The following RAP2A variants were observed in gnomAD, a reference collection of about 807,000 sequenced individuals.
RAP2A encodes the protein ras-related protein Rap-2a.
In RAP2A, 5 loss-of-function variants were observed where a neutral mutation model predicts 15.1. The observed-to-expected ratio is 0.33, with a 90% CI of 0.17 to 0.70. RAP2A has a LOEUF of 0.70. Among genes scored for constraint, RAP2A ranks in the 30% least tolerant of loss-of-function variants. RAP2A has a pLI of 0.68. For missense variants in RAP2A, 111 were observed against 240.3 expected, an observed-to-expected ratio of 0.46 and a Z score of 3.56; for synonymous variants, 110 against 99.7, an observed-to-expected ratio of 1.10 and a Z score of -0.62.
At chr13:97,442,243 G>C (rs1370205989) in intron 1 of RAP2A, among the ~76,000 whole-genome samples, 2 of 152,066 alleles carry the variant, frequency 1.3e-5, no homozygotes, top group South Asian at 2.1e-4. Flanking sequence ...ATCTAGCTAA[G>C]ATTTTGTCAT....
chr13:97,456,029 G>A (rs1386756417), intron 1 of RAP2A, among the ~76,000 whole-genome samples: 1 of 151,380 alleles, frequency 6.6e-6, no homozygotes, highest in South Asian at 2.1e-4. Context: ...CAGTTCTCTA[G>A]CCAGAAAGAC....
chr13:97,446,153 A>G (rs2066678550), intron 1 of RAP2A, among the ~76,000 whole-genome samples: 2 of 152,138 alleles, frequency 1.3e-5, no homozygotes, highest in Non-Finnish European at 2.9e-5. Flanking sequence ...GGGACAGTTC[A>G]GGTCTATGCT....
chr13:97,438,913 A>G (rs566451136), intron 1 of RAP2A, among the ~76,000 whole-genome samples: 4 of 152,210 alleles, frequency 2.6e-5, no homozygotes, highest in Non-Finnish European at 4.4e-5. Flanking sequence ...CAGTTTCCCT[A>G]AACATTTTGA....
intron 1 of RAP2A, among the ~76,000 whole-genome samples, chr13:97,456,443 A>C (rs2066723426): frequency 6.6e-6 from 1 of 152,154 alleles, no homozygotes. Context: ...GGAGATAGGC[A>C]CTTTAATGGG....
rs114455435 is a variant in RAP2A at position 97,449,103 on chromosome 13, G to C, written c.314+14319G>C. On this transcript the variant is annotated intron_variant, in intron 1 of 1. Transcript: ENST00000245304. The stretch of plus-strand genomic sequence containing the variant: ...GTGACCGCATTCCACACAGGCTGTA[G>C]GGCAGGAGGTTGTAAAACAGGCTGA... Among the ~76,000 whole-genome samples the C allele has an allele frequency of 4.8e-3, 733 of 152,268 alleles. 10 individuals are homozygous for C. The highest frequency in any genetic ancestry group is 0.016 in the African/African-American group (682 of 41,548).
intron 1 of RAP2A, among the ~76,000 whole-genome samples, chr13:97,448,578 A>T (rs1386971200): frequency 6.6e-6 from 1 of 152,154 alleles, no homozygotes; most frequent in Non-Finnish European, 1.5e-5. Flanking sequence ...AAAGCTCATG[A>T]CGTATCCAAG....
Position 97,466,758 on chromosome 13 carries a change from G to A in RAP2A, c.*2316G>A, listed in dbSNP as rs2066773447. ...AACATTTGTGTCAGATGACAGGGTGGGCTTTTACTGTCAAGACATGAATAA... is the reference window on the plus strand; with the variant it reads ...AACATTTGTGTCAGATGACAGGGTGAGCTTTTACTGTCAAGACATGAATAA... On this transcript the variant is annotated 3_prime_UTR_variant, in exon 2 of 2. Coordinates refer to ENST00000245304, the MANE Select transcript of RAP2A (RefSeq NM_021033.7). 6.6e-6 allele frequency: 1 copy of A among 152,058 alleles called. No homozygotes were observed. The highest frequency in any genetic ancestry group is 1.5e-5 in the Non-Finnish European group (1 of 67,968). The allele number at this position is 152,058 out of a possible 1,614,324, so 9.4% of individuals were successfully genotyped here.
At chr13:97,451,469 A>G (rs1166695317) in intron 1 of RAP2A, among the ~76,000 whole-genome samples, 2 of 152,112 alleles carry the variant, frequency 1.3e-5, no homozygotes, top group Non-Finnish European at 1.5e-5. Context: ...AGCATCCTCT[A>G]TGGGATTCAT....
chr13:97,449,234 A>C (rs772058314), intron 1 of RAP2A, among the ~76,000 whole-genome samples: 1 of 152,076 alleles, frequency 6.6e-6, no homozygotes, highest in Non-Finnish European at 1.5e-5. Context: ...TTTATGGGAT[A>C]GTTGGTTGGG....
chr13:97,459,537 G>T (rs1406343796), intron 1 of RAP2A, among the ~76,000 whole-genome samples: 1 of 152,168 alleles, frequency 6.6e-6, no homozygotes. Context: ...CTGTAGAGAT[G>T]GATCCCACAG....
In RAP2A at chr13:97,465,145, G is replaced by T. The variant is rs1160390979; in HGVS notation, c.*703G>T. Reference sequence around the variant, plus strand: ...TTGTTAATTCACCTGCTTTGCCACAGAAAATGGAGGCTTTCACAAGGGTTT... The same window carrying T: ...TTGTTAATTCACCTGCTTTGCCACATAAAATGGAGGCTTTCACAAGGGTTT... On this transcript the variant is annotated 3_prime_UTR_variant, in exon 2 of 2. Transcript: ENST00000245304. The T allele has an allele frequency of 2.0e-5, 3 of 152,250 alleles. No individual in the cohort carries two copies. Among genetic ancestry groups the T allele is most frequent in the Non-Finnish European group, 4.4e-5 (3 of 68,030 alleles). 9.4% of individuals were successfully genotyped at this position (152,250 alleles called of 1,614,324 possible). A position where few individuals can be genotyped will look rare whatever the true frequency, so the allele number is the denominator to read the frequency against.
chr13:97,434,444 G>GGCGGCGGCGGCGGCC lies in RAP2A; in HGVS notation c.-22_-8dup. ...GGCGTAGGTCTATGTCGCGGGCGGC[G>GGCGGCGGCGGCGGCC]GCGGCGGCGGCGGCCGCGGAGGGAC... On this transcript the variant is annotated 5_prime_UTR_variant, in exon 1 of 2. Coordinates refer to ENST00000245304, the MANE Select transcript of RAP2A (RefSeq NM_021033.7). 6.4e-7 allele frequency: 1 copy of GGCGGCGGCGGCGGCC among 1,558,270 alleles called. No individual in the cohort carries two copies. Among genetic ancestry groups the GGCGGCGGCGGCGGCC allele is most frequent in the Non-Finnish European group, 8.7e-7 (1 of 1,151,976 alleles).
chr13:97,441,633 T>G (rs1291186753), intron 1 of RAP2A: 1 of 289,346 alleles, frequency 3.5e-6, no homozygotes, highest in Non-Finnish European at 6.8e-6. Context: ...TCATTGTCTT[T>G]AGAACCTTAC....
intron 1 of RAP2A, among the ~76,000 whole-genome samples, chr13:97,463,879 CCTCT>C (rs1041692227): frequency 6.6e-6 from 1 of 152,010 alleles, no homozygotes; most frequent in African/African-American, 2.4e-5. Flanking sequence ...TTTGTGCAAC[CCTCT>C]CTCAGAATGG....
Position 97,465,325 on chromosome 13 carries a change from T to A in RAP2A, c.*883T>A, listed in dbSNP as rs2066765975. ...AACTAGTACCATCATGTAAGGAAGA[T>A]GAAGCCATGTTGCATCCACATGTTC... On this transcript the variant is annotated 3_prime_UTR_variant, in exon 2 of 2. Transcript: ENST00000245304. 2.6e-5 allele frequency: 4 copies of A among 152,634 alleles called. No individual in the cohort carries two copies. Among genetic ancestry groups the A allele is most frequent in the Non-Finnish European group, 5.9e-5 (4 of 68,046 alleles). The allele number at this position is 152,634 out of a possible 1,614,324, so 9.5% of individuals were successfully genotyped here. A position where few individuals can be genotyped will look rare whatever the true frequency, so the allele number is the denominator to read the frequency against.
At chr13:97,450,668 AAAG>A (rs2066698526) in intron 1 of RAP2A, among the ~76,000 whole-genome samples, 1 of 152,112 alleles carries the variant, frequency 6.6e-6, no homozygotes, top group Non-Finnish European at 1.5e-5. Context: ...TAAAAAAAAA[AAAG>A]AATCAATTAG....
At chr13:97,458,799 A>G (rs2066734713) in intron 1 of RAP2A, among the ~76,000 whole-genome samples, 1 of 152,172 alleles carries the variant, frequency 6.6e-6, no homozygotes, top group African/African-American at 2.4e-5. Context: ...GTATTTTGAT[A>G]AACACATCAA....
chr13:97,459,302 G>A (rs2066736883), intron 1 of RAP2A, among the ~76,000 whole-genome samples: 1 of 151,840 alleles, frequency 6.6e-6, no homozygotes, highest in Non-Finnish European at 1.5e-5. Flanking sequence ...GATGAAAAGG[G>A]GGAAAATGAA....
intron 1 of RAP2A, among the ~76,000 whole-genome samples, chr13:97,449,212 C>G (rs1005933103): frequency 6.6e-6 from 1 of 152,154 alleles, no homozygotes; most frequent in Non-Finnish European, 1.5e-5. Flanking sequence ...CGCTGTAGAT[C>G]TGCTACATAT....
Sources: gnomAD v4.1 joint callset for allele counts (sites outside exome capture counted in the v4.1 genomes callset) on GRCh38, gnomAD v4.1.1 for gene constraint, MANE v1.5 for transcripts, NCBI Gene and HGNC (gene_info 2026-07-23, HGNC 2026-07-21) for gene names.